The following DCC variants were observed in gnomAD, a reference collection of about 807,000 sequenced individuals.
The protein encoded by DCC is netrin receptor DCC.
A neutral mutation model predicts 172.5 loss-of-function variants in DCC; 58 were observed. The observed-to-expected ratio is 0.34, with a 90% CI of 0.27 to 0.42. DCC has a LOEUF of 0.42. Among genes scored for constraint, DCC ranks in the 10% least tolerant of loss-of-function variants. The pLI is 1.00. For missense variants in DCC, 1,740 were observed against 1,791.0 expected (o/e 0.97, Z 0.51); for synonymous variants, 709 against 644.5 (o/e 1.10, Z -1.52).
Position 53,139,872 on chromosome 18 carries a change from G to A in DCC, c.1262-17484G>A, listed in dbSNP as rs551134477. ...ATTTCCTCCCACCATGATCACTAGT[G>A]CTTATACTCTGTTTACCATATTGAG... On this transcript the variant is annotated intron_variant, in intron 7 of 28. Transcript: ENST00000442544. 4.6e-5 allele frequency among the ~76,000 whole-genome samples: 7 copies of A among 152,204 alleles called. 1 individual carries two copies. In the South Asian group the frequency reaches 1.5e-3, roughly 32 times the overall value.
At chr18:52,905,321 A>T (rs9959955) in intron 2 of DCC, among the ~76,000 whole-genome samples, 432 of 152,286 alleles carry the variant, frequency 2.8e-3, no homozygotes, top group African/African-American at 0.01. Context: ...TGTGAATTAG[A>T]TATTACCCCA....
chr18:52,535,661 A>T (rs145280138), intron 1 of DCC, among the ~76,000 whole-genome samples: 2 of 152,346 alleles, frequency 1.3e-5, no homozygotes, highest in East Asian at 3.9e-4. Context: ...ATTTTGCAAA[A>T]CACTAAAATA....
chr18:52,660,483 G>A (rs1218415548), intron 1 of DCC, among the ~76,000 whole-genome samples: 1 of 152,072 alleles, frequency 6.6e-6, no homozygotes, highest in Non-Finnish European at 1.5e-5. Flanking sequence ...CCTTGCTCTG[G>A]TTCAAGTTTA....
At position 52,741,540 on chromosome 18, in the gene DCC, A is replaced by T. The variant is rs184789037; in HGVS notation, c.92-10514A>T. 1.1e-3 allele frequency among the ~76,000 whole-genome samples: 170 copies of T among 152,306 alleles called. 1 individual carries two copies. Among genetic ancestry groups the T allele is most frequent in the Middle Eastern group, 3.4e-3 (1 of 294 alleles). ...TTGTGACAACCAGAAATGCCTCCAG[A>T]CATCGCCAGAAATTTCCTAGGGGAT... On this transcript the variant is annotated intron_variant, in intron 1 of 28. Coordinates refer to ENST00000442544, the MANE Select transcript of DCC (RefSeq NM_005215.4).
chr18:53,069,162 G>T (rs1049093885), intron 7 of DCC, among the ~76,000 whole-genome samples: 5 of 152,088 alleles, frequency 3.3e-5, no homozygotes, highest in Non-Finnish European at 7.3e-5. Context: ...AGTACCTGCT[G>T]TTACACAAGG....
chr18:52,623,533 T>A (rs950907794), intron 1 of DCC, among the ~76,000 whole-genome samples: 2 of 152,192 alleles, frequency 1.3e-5, no homozygotes, highest in Non-Finnish European at 2.9e-5. Context: ...TTTGTTTTGT[T>A]CTTCCAACAA....
chr18:52,562,503 A>C (rs2033062607), intron 1 of DCC, among the ~76,000 whole-genome samples: 1 of 152,158 alleles, frequency 6.6e-6, no homozygotes, highest in Admixed American at 6.6e-5. Flanking sequence ...ATTTAATGGA[A>C]AATAGCAAAT....
intron 5 of DCC, among the ~76,000 whole-genome samples, chr18:52,949,827 G>A (rs947730742): frequency 6.6e-6 from 1 of 152,198 alleles, no homozygotes; most frequent in African/African-American, 2.4e-5. Context: ...TTGGGCACAT[G>A]TAAATATATT....
chr18:52,789,086 G>T (rs181087905), intron 2 of DCC, among the ~76,000 whole-genome samples: 75 of 152,202 alleles, frequency 4.9e-4, no homozygotes, highest in African/African-American at 1.7e-3. Flanking sequence ...ATCCCTTAAA[G>T]TATGTTTTCT....
chr18:53,271,463 G>A (rs1211692524), intron 12 of DCC, among the ~76,000 whole-genome samples: 1 of 152,186 alleles, frequency 6.6e-6, no homozygotes, highest in Non-Finnish European at 1.5e-5. Context: ...CTCAAGTTAT[G>A]AATAGGAGCT....
chr18:52,551,000 G>T (rs567689010), intron 1 of DCC, among the ~76,000 whole-genome samples: 1 of 151,966 alleles, frequency 6.6e-6, no homozygotes, highest in Non-Finnish European at 1.5e-5. Flanking sequence ...TACATGTGCA[G>T]ATGTTAGGGA....
chr18:53,325,388 G>A (rs530904275), intron 14 of DCC, among the ~76,000 whole-genome samples: 1 of 152,142 alleles, frequency 6.6e-6, no homozygotes, highest in South Asian at 2.1e-4. Flanking sequence ...ACTGGAAGGA[G>A]AGAAAATAAA....
chr18:52,862,794 A>G (rs1758351733), intron 2 of DCC, among the ~76,000 whole-genome samples: 1 of 152,120 alleles, frequency 6.6e-6, no homozygotes, highest in Admixed American at 6.6e-5. Flanking sequence ...AAATAATCAA[A>G]AGATGGAATA....
chr18:53,453,786 A>G (rs1192609169), intron 23 of DCC, among the ~76,000 whole-genome samples: 2 of 152,152 alleles, frequency 1.3e-5, no homozygotes, highest in Non-Finnish European at 2.9e-5. Flanking sequence ...AAATATAATG[A>G]TAATTTGGGC....
chr18:52,823,564 A>G (rs5008899), intron 2 of DCC, among the ~76,000 whole-genome samples: 17,981 of 152,070 alleles, frequency 0.12, 1,128 homozygotes, highest in South Asian at 0.22. Flanking sequence ...GCTACCTGCT[A>G]TTTTACTTAC....
chr18:53,061,297 C>T (rs2042491381), intron 5 of DCC, among the ~76,000 whole-genome samples: 1 of 152,026 alleles, frequency 6.6e-6, no homozygotes, highest in African/African-American at 2.4e-5. Context: ...TCTCTTCTCC[C>T]TCTATATTCC....
intron 1 of DCC, among the ~76,000 whole-genome samples, chr18:52,590,088 A>G (rs1360713904): frequency 6.6e-6 from 1 of 152,154 alleles, no homozygotes; most frequent in Non-Finnish European, 1.5e-5. Context: ...GAAAAGTGAA[A>G]TGTGGAATTT....
intron 7 of DCC, among the ~76,000 whole-genome samples, chr18:53,125,237 T>G (rs549506101): frequency 2.0e-5 from 3 of 152,070 alleles, no homozygotes; most frequent in Non-Finnish European, 4.4e-5. Context: ...TTCATGAGGT[T>G]AGGAGTTTTA....
At chr18:52,986,487 TTAAGTC>T in intron 5 of DCC, among the ~76,000 whole-genome samples, 1 of 152,248 alleles carries the variant, frequency 6.6e-6, no homozygotes, top group Non-Finnish European at 1.5e-5. Context: ...TCTGAAAGTT[TTAAGTC>T]TTAGTTTCGC....
Sources: allele counts gnomAD v4.1 joint callset (sites outside exome capture counted in the v4.1 genomes callset), GRCh38; gene constraint gnomAD v4.1.1; transcripts MANE v1.5; gene names NCBI Gene and HGNC (gene_info 2026-07-23, HGNC 2026-07-21).